USP13: variants seen among roughly 807,000 people sequenced by gnomAD.
The protein encoded by USP13 is ubiquitin specific peptidase 13, also known as ubiquitin carboxyl-terminal hydrolase 13.
USP13 carries 68 observed loss-of-function variants against 107.8 expected under a neutral mutation model. The ratio of observed to expected loss-of-function variants is 0.63; its 90% CI spans 0.52 to 0.77. USP13 has a LOEUF of 0.77. Ranked by LOEUF, USP13 falls within the 30% of genes least tolerant of loss-of-function variation. USP13 has a pLI of 0.00. For missense variants in USP13, 945 were observed against 1,093.3 expected (o/e 0.86, Z 1.91); for synonymous variants, 377 against 389.5 (o/e 0.97, Z 0.38).
chr3:179,760,526 G>A (rs954771176), intron 16 of USP13, among the ~76,000 whole-genome samples: 9 of 151,742 alleles, frequency 5.9e-5, no homozygotes, highest in East Asian at 1.9e-4. Context: ...CTCATAATCC[G>A]CCCGCCTCGG....
chr3:179,761,217 T>C lies in USP13; in HGVS notation c.2054T>C (p.Val685Ala). 1 of 1,614,144 alleles carries C rather than the reference T, an allele frequency of 6.2e-7. No homozygotes were observed. Among genetic ancestry groups the C allele is most frequent in the Non-Finnish European group, 8.5e-7 (1 of 1,180,030 alleles). The change falls in exon 17 of 21, where the codon GTG (valine) becomes GCG (alanine). Residue 685 changes from valine to alanine, a missense_variant. Transcript: ENST00000263966. ...TTCACTGGAAATATGGGCGCCGAGG[T>C]GGCCTTCAACTGGATCATTGTTCAC... ...VYFTGNMGAE[V>A]AFNWIIVHME...
At chr3:179,704,575 C>T (rs1034189767) in intron 4 of USP13, among the ~76,000 whole-genome samples, 1 of 152,104 alleles carries the variant, frequency 6.6e-6, no homozygotes, top group African/African-American at 2.4e-5. Context: ...TACTCACAGT[C>T]AGGAACAAGG....
intron 13 of USP13, among the ~76,000 whole-genome samples, chr3:179,746,132 G>A (rs1375019480): frequency 1.3e-5 from 2 of 149,750 alleles, no homozygotes; most frequent in Non-Finnish European, 3.0e-5. Flanking sequence ...AGGATGGAAC[G>A]GCTGGTGTGG....
chr3:179,689,687 C>T (rs1416954211), intron 2 of USP13, among the ~76,000 whole-genome samples: 1 of 151,650 alleles, frequency 6.6e-6, no homozygotes, highest in Non-Finnish European at 1.5e-5. Flanking sequence ...AAAGAAAATA[C>T]ACGATGCTTA....
intron 1 of USP13, among the ~76,000 whole-genome samples, chr3:179,658,172 T>C (rs997149981): frequency 1.3e-5 from 2 of 152,206 alleles, no homozygotes; most frequent in African/African-American, 4.8e-5. Flanking sequence ...GCCAGGCTGG[T>C]CCTGAACTCC....
intron 1 of USP13, among the ~76,000 whole-genome samples, chr3:179,668,299 G>A (rs1011638549): frequency 1.1e-4 from 16 of 152,066 alleles, no homozygotes; most frequent in Admixed American, 9.8e-4. Flanking sequence ...CATGCCTGCT[G>A]CTGGATTAAT....
chr3:179,696,780 G>T (rs76723573), intron 3 of USP13, among the ~76,000 whole-genome samples: 3,141 of 152,198 alleles, frequency 0.021, 122 homozygotes, highest in African/African-American at 0.072. Flanking sequence ...TGGTGAGTTT[G>T]GGGTATAAGC....
intron 13 of USP13, among the ~76,000 whole-genome samples, chr3:179,746,558 G>A (rs895495080): frequency 6.6e-6 from 1 of 151,988 alleles, no homozygotes; most frequent in African/African-American, 2.4e-5. Flanking sequence ...TCAGCTTCCC[G>A]AGTAGCTGGG....
chr3:179,698,507 T>C (rs1431560163), intron 3 of USP13, among the ~76,000 whole-genome samples: 2 of 151,860 alleles, frequency 1.3e-5, no homozygotes, highest in Non-Finnish European at 2.9e-5. Flanking sequence ...TTTTTTTTTC[T>C]TGTATTATAT....
chr3:179,759,342 A>G (rs766397620), intron 16 of USP13, among the ~76,000 whole-genome samples: 3 of 152,182 alleles, frequency 2.0e-5, no homozygotes, highest in Non-Finnish European at 4.4e-5. Flanking sequence ...ATCTCTATCT[A>G]TATATCTTTT....
rs1169757892 is a variant in USP13 at position 179,712,014 on chromosome 3, ATATCAC to A, written c.805+3060_805+3065del. ...GCTGTAATGCTACAACATGATGGTT[ATATCAC>A]TAGGTGGCAGGAATTTTTCATCTCC... On this transcript the variant is annotated intron_variant, in intron 6 of 20. Transcript: ENST00000263966. Among the ~76,000 whole-genome samples, 4 of 152,322 alleles carry A rather than the reference ATATCAC, an allele frequency of 2.6e-5. No individual in the cohort carries two copies. The East Asian group carries it at 7.7e-4, about 29-fold the overall frequency.
chr3:179,705,949 C>T (rs909576145), intron 4 of USP13, among the ~76,000 whole-genome samples: 1 of 152,162 alleles, frequency 6.6e-6, no homozygotes, highest in Non-Finnish European at 1.5e-5. Flanking sequence ...TCTCGAACTC[C>T]TGACCTCAAG....
intron 11 of USP13, among the ~76,000 whole-genome samples, chr3:179,740,840 C>T (rs1714170073): frequency 1.3e-5 from 2 of 151,308 alleles, no homozygotes; most frequent in African/African-American, 4.9e-5. Context: ...AATCTTGGCT[C>T]ACTGCAACCT....
intron 2 of USP13, among the ~76,000 whole-genome samples, chr3:179,685,864 C>T (rs1020954986): frequency 6.6e-6 from 1 of 152,042 alleles, no homozygotes; most frequent in Non-Finnish European, 1.5e-5. Flanking sequence ...CCTTCAGGCC[C>T]GTGACTTGTT....
At chr3:179,777,235 A>G (rs910163609) in intron 19 of USP13, among the ~76,000 whole-genome samples, 10 of 152,028 alleles carry the variant, frequency 6.6e-5, no homozygotes, top group Admixed American at 1.3e-4. Context: ...GTTTGGATAT[A>G]GTGGGATGTA....
At chr3:179,661,971 G>T (rs1576907377) in intron 1 of USP13, among the ~76,000 whole-genome samples, 1 of 152,208 alleles carries the variant, frequency 6.6e-6, no homozygotes. Flanking sequence ...GACGTCATCT[G>T]TGCAGTTTCT....
intron 19 of USP13, among the ~76,000 whole-genome samples, chr3:179,767,083 A>G (rs1715198588): frequency 6.6e-6 from 1 of 152,086 alleles, no homozygotes; most frequent in Admixed American, 6.6e-5. Context: ...CTGCACACTA[A>G]AATTCTCATC....
In USP13 at chr3:179,784,129, G is replaced by A. The variant is rs1356258797; in HGVS notation, c.2580G>A (p.Arg860=). The change falls in exon 21 of 21, where the codon AGG becomes AGA. Residue 860 remains arginine (R), a synonymous_variant. Coordinates refer to ENST00000263966, the MANE Select transcript of USP13 (RefSeq NM_003940.3). ...KDLGYMYFYR[R]IPS is the part of the protein sequence containing the mutation. ...TGGGCTACATGTACTTTTACCGCAG[G>A]ATACCAAGCTAAACCTCAAATATAA... 6.2e-7 allele frequency: 1 copy of A among 1,609,030 alleles called. No homozygotes were observed. The highest frequency in any genetic ancestry group is 8.5e-7 in the Non-Finnish European group (1 of 1,178,414).
At chr3:179,729,747 C>T (rs559068534) in intron 8 of USP13, among the ~76,000 whole-genome samples, 4 of 152,286 alleles carry the variant, frequency 2.6e-5, no homozygotes, top group Non-Finnish European at 2.9e-5. Flanking sequence ...GCTGGGATTA[C>T]AGGTATGAGC....
Sources: allele counts gnomAD v4.1 joint callset (sites outside exome capture counted in the v4.1 genomes callset), GRCh38; gene constraint gnomAD v4.1.1; transcripts MANE v1.5; gene names NCBI Gene and HGNC (gene_info 2026-07-23, HGNC 2026-07-21).